GOLGB1: variants seen among roughly 807,000 people sequenced by gnomAD.
GOLGB1 encodes the protein golgin subfamily B member 1.
In GOLGB1, 174 loss-of-function variants were observed where a neutral mutation model predicts 336.9. The observed-to-expected ratio is 0.52, with a 90% CI of 0.46 to 0.59. The LOEUF is 0.59. Among genes scored for constraint, GOLGB1 ranks in the 20% least tolerant of loss-of-function variants. GOLGB1 has a pLI of 0.00. For synonymous variants in GOLGB1, 1,208 were observed against 1,289.2 expected (o/e 0.94, Z 1.35); for missense variants, 3,331 against 3,645.3 (o/e 0.91, Z 2.22).
chr3:121,672,718 T>C (rs1939716126), intron 17 of GOLGB1, among the ~76,000 whole-genome samples: 1 of 152,270 alleles, frequency 6.6e-6, no homozygotes, highest in East Asian at 1.9e-4. Context: ...ATCCATGTCC[T>C]GAAGCATTTC....
At position 121,691,825 on chromosome 3, in the gene GOLGB1, A is replaced by C. The variant is rs540295798; in HGVS notation, c.7539T>G (p.Leu2513=). The change falls in exon 14 of 22, where the codon CTT becomes CTG. Residue 2513 remains leucine, a synonymous_variant. Coordinates refer to ENST00000614479, the MANE Select transcript of GOLGB1 (RefSeq NM_001366282.2). ...TTCTCAAGCCTCGTATTTCTTCTTT[A>C]AGCTTATTATTCTCTGCAGCAGCCT... ...IQEAAAENNK[L]KEEIRGLRSH... 1 of 1,613,372 alleles carries C rather than the reference A, an allele frequency of 6.2e-7. No individual in the cohort carries two copies. The highest frequency in any genetic ancestry group is 1.1e-5 in the South Asian group (1 of 90,890).
At chr3:121,726,465 GA>G (rs1015594684) in intron 5 of GOLGB1, among the ~76,000 whole-genome samples, 10 of 122,048 alleles carry the variant, frequency 8.2e-5, no homozygotes, top group African/African-American at 2.4e-4. Flanking sequence ...GAAAAGAAAA[GA>G]AAAAAAAATT....
intron 1 of GOLGB1, among the ~76,000 whole-genome samples, chr3:121,732,837 A>T (rs181030683): frequency 6.6e-6 from 1 of 152,318 alleles, no homozygotes; most frequent in African/African-American, 2.4e-5. Flanking sequence ...GTCTCTTACT[A>T]CTTCTATCTA....
rs954293330 is a variant in GOLGB1, at chr3:121,742,424, G to C, written c.-3+7208C>G. On this transcript the variant is annotated intron_variant, in intron 1 of 21. Transcript: ENST00000614479. ...AAACTGGCTAGCCATACGTAGAAAG[G>C]TGAAACTGGATCCCTTCCTTGCACC... is the stretch of plus-strand genomic sequence containing the variant. 1.2e-4 allele frequency among the ~76,000 whole-genome samples: 18 copies of C among 152,092 alleles called. No homozygotes were observed. The South Asian group carries it at 1.7e-3, about 14-fold the overall frequency.
chr3:121,706,478 T>C (rs1320818362), intron 10 of GOLGB1, among the ~76,000 whole-genome samples: 1 of 151,986 alleles, frequency 6.6e-6, no homozygotes, highest in Non-Finnish European at 1.5e-5. Context: ...GGCTCATGCC[T>C]GTAATCCCAG....
rs1468049581 is a variant in GOLGB1, at chr3:121,697,918, G to C, written c.2605C>G (p.Leu869Val). 6.2e-7 allele frequency: 1 copy of C among 1,614,036 alleles called. No individual in the cohort carries two copies. Among genetic ancestry groups the C allele is most frequent in the Non-Finnish European group, 8.5e-7 (1 of 1,179,942 alleles). The change falls in exon 13 of 22, where the codon CTG becomes GTG. Residue 869 changes from leucine to valine, a missense_variant. By Grantham distance (32) the Leu-to-Val change is conservative. Coordinates refer to ENST00000614479, the MANE Select transcript of GOLGB1 (RefSeq NM_001366282.2). ...VRHISSKVEE[L>V]SQALSQKELE... ...TCCTTCTGTGAAAGAGCCTGGGACA[G>C]TTCTTCCACTTTACTTGAGATATGC... is the stretch of plus-strand genomic sequence containing the variant.
chr3:121,725,400 T>C (rs541465062), intron 5 of GOLGB1, among the ~76,000 whole-genome samples: 2 of 152,332 alleles, frequency 1.3e-5, no homozygotes, highest in African/African-American at 4.8e-5. Context: ...GTCTACTCTC[T>C]TGGTTTTCAA....
rs745334591 is a variant in GOLGB1, at chr3:121,697,037, G to A, written c.3486C>T (p.His1162=). ...ISPPCTGSSE[H]WKPELEEKIL... ...TCTTTTCTTCTAGTTCTGGTTTCCAGTGTTCACTACTACCTGTACAAGGTG... is the reference window on the plus strand; with the variant it reads ...TCTTTTCTTCTAGTTCTGGTTTCCAATGTTCACTACTACCTGTACAAGGTG... Residue 1162 remains histidine (H), a synonymous_variant, in exon 13 of 22, where the codon CAC becomes CAT. Transcript: ENST00000614479. The A allele has an allele frequency of 4.2e-5, 68 of 1,613,818 alleles. No individual in the cohort carries two copies. The highest frequency in any genetic ancestry group is 5.4e-5 in the Non-Finnish European group (64 of 1,179,904).
intron 14 of GOLGB1, among the ~76,000 whole-genome samples, chr3:121,690,187 T>C (rs1195091703): frequency 6.6e-6 from 1 of 152,228 alleles, no homozygotes; most frequent in East Asian, 1.9e-4. Context: ...TTTGACAAAT[T>C]AGGGTTGAGT....
At position 121,695,216 on chromosome 3, in the gene GOLGB1, T is replaced by C. The variant is rs951134856; in HGVS notation, c.5307A>G (p.Glu1769=). 3 of 1,613,528 alleles carry C rather than the reference T, an allele frequency of 1.9e-6. No individual in the cohort carries two copies. In the African/African-American group the frequency reaches 4.0e-5, roughly 22 times the overall value. ...EEVQDLKHQI[E]GNVSKQANLE... ...GGTTAGCTTGTTTAGATACATTACC[T>C]TCTATCTGATGCTTTAAATCTTGAA... The change falls in exon 13 of 22, where the codon GAA becomes GAG. Residue 1769 remains glutamate (E), a synonymous_variant. Coordinates refer to ENST00000614479, the MANE Select transcript of GOLGB1 (RefSeq NM_001366282.2).
At chr3:121,702,313 T>C (rs1943478248) in intron 11 of GOLGB1, among the ~76,000 whole-genome samples, 168 bp downstream of exon 11, 1 of 152,210 alleles carries the variant, frequency 6.6e-6, no homozygotes, top group Admixed American at 6.5e-5. Context: ...ACTGATACTA[T>C]GCTCTAATTG....
At chr3:121,716,689 C>T in intron 9 of GOLGB1, 48 bp downstream of exon 9, 2 of 1,417,100 alleles carry the variant, frequency 1.4e-6, no homozygotes, top group Non-Finnish European at 1.9e-6. Flanking sequence ...GAAATACAAG[C>T]CACTCAGATG....
Position 121,694,134 on chromosome 3 carries a change from C to T in GOLGB1, c.6389G>A (p.Arg2130Gln), listed in dbSNP as rs760882581. 10 of 1,613,672 alleles carry T rather than the reference C, an allele frequency of 6.2e-6. No homozygotes were observed. The highest frequency in any genetic ancestry group is 2.2e-5 in the East Asian group (1 of 44,894). ...QMKQKDEDLE[R>Q]RLEQAEEKHL... ...CTTCTCTTCTGCCTGTTCCAGTCTTCGCTCAAGATCTTCATCCTTTTGTTT... is the reference window on the plus strand; with the variant it reads ...CTTCTCTTCTGCCTGTTCCAGTCTTTGCTCAAGATCTTCATCCTTTTGTTT... Residue 2130 changes from arginine (R) to glutamine (Q), a missense_variant, in exon 13 of 22, where the codon CGA becomes CAA. Physicochemically the swap from Arg to Gln is conservative, Grantham distance 43. Coordinates refer to ENST00000614479, the MANE Select transcript of GOLGB1 (RefSeq NM_001366282.2).
At chr3:121,707,119 C>G (rs746848895) in intron 10 of GOLGB1, among the ~76,000 whole-genome samples, 1 of 146,064 alleles carries the variant, frequency 6.8e-6, no homozygotes, top group African/African-American at 2.5e-5. Context: ...CCCAGCTACT[C>G]GGGAGGCTGA....
chr3:121,699,246 T>A (rs1010538782), intron 12 of GOLGB1, among the ~76,000 whole-genome samples: 10 of 152,114 alleles, frequency 6.6e-5, no homozygotes, highest in South Asian at 2.1e-4. Context: ...TGATTTTTTT[T>A]AAAAAGTAAG....
At position 121,694,535 on chromosome 3, in the gene GOLGB1, C is replaced by G. The variant is rs915869117; in HGVS notation, c.5988G>C (p.Leu1996Phe). The change falls in exon 13 of 22, where the codon TTG becomes TTC. Residue 1996 changes from leucine to phenylalanine, a missense_variant. Physicochemically the swap from Leu to Phe is conservative, Grantham distance 22 (BLOSUM62 0). Coordinates refer to ENST00000614479, the MANE Select transcript of GOLGB1 (RefSeq NM_001366282.2). ...KVESEIRKEY[L>F]EKIQGAQKEP... ...CTTTCTGAGCACCTTGTATTTTCTC[C>G]AAATATTCCTTTCGTATTTCTGATT... The G allele has an allele frequency of 6.8e-6, 11 of 1,612,392 alleles. No individual in the cohort carries two copies. In the African/African-American group the frequency reaches 1.2e-4, roughly 18 times the overall value.
intron 15 of GOLGB1, among the ~76,000 whole-genome samples, chr3:121,677,826 G>A (rs909509661): frequency 6.6e-6 from 1 of 152,198 alleles, no homozygotes; most frequent in Non-Finnish European, 1.5e-5. Flanking sequence ...TCTAGGTGAT[G>A]TGGAGATAAG....
chr3:121,671,765 C>T (rs1939567965), intron 17 of GOLGB1, among the ~76,000 whole-genome samples: 1 of 152,104 alleles, frequency 6.6e-6, no homozygotes. Context: ...TGTATTTGCA[C>T]CCATTAATCA....
At chr3:121,734,903 C>T (rs1467076514) in intron 1 of GOLGB1, among the ~76,000 whole-genome samples, 1 of 152,180 alleles carries the variant, frequency 6.6e-6, no homozygotes, top group Non-Finnish European at 1.5e-5. Flanking sequence ...AGATATCCCT[C>T]AACAAGTGAA....
Sources: allele counts gnomAD v4.1 joint callset (sites outside exome capture counted in the v4.1 genomes callset), GRCh38; gene constraint gnomAD v4.1.1; transcripts MANE v1.5; gene names NCBI Gene and HGNC (gene_info 2026-07-23, HGNC 2026-07-21).